Variants in FGF14 observed in about 807,000 individuals in gnomAD.
The protein encoded by FGF14 is fibroblast growth factor homologous factor 4.
FGF14 carries 5 observed loss-of-function variants against 25.5 expected under a neutral mutation model. The observed-to-expected ratio is 0.20, with a 90% CI of 0.10 to 0.41. FGF14 has a LOEUF of 0.41. Among genes scored for constraint, FGF14 ranks in the 10% least tolerant of loss-of-function variants. FGF14 has a pLI of 1.00. For synonymous variants in FGF14, 138 were observed against 118.3 expected, an observed-to-expected ratio of 1.17 and a Z score of -1.08; for missense variants, 222 against 320.1, an observed-to-expected ratio of 0.69 and a Z score of 2.34.
chr13:101,723,915 A>G (rs1276146895), intron 4 of FGF14, among the ~76,000 whole-genome samples: 1 of 152,076 alleles, frequency 6.6e-6, no homozygotes, highest in African/African-American at 2.4e-5. Context: ...AGTTTAAGGT[A>G]TTTTACGAAG....
At chr13:101,953,052 T>C (rs1023360878) in intron 1 of FGF14, among the ~76,000 whole-genome samples, 6 of 130,606 alleles carry the variant, frequency 4.6e-5, no homozygotes, top group African/African-American at 1.9e-4. Flanking sequence ...ATAAATAAAC[T>C]GTCTTGGAAA....
intron 1 of FGF14, among the ~76,000 whole-genome samples, chr13:102,111,447 G>C (rs1272000848): frequency 6.6e-6 from 1 of 152,174 alleles, no homozygotes; most frequent in African/African-American, 2.4e-5. Flanking sequence ...AGGCATGGTG[G>C]CTCATGCCTG....
At chr13:101,784,168 T>C (rs960395432) in intron 3 of FGF14, among the ~76,000 whole-genome samples, 2 of 152,184 alleles carry the variant, frequency 1.3e-5, no homozygotes, top group African/African-American at 4.8e-5. Flanking sequence ...GCCAAATTGA[T>C]ATTCCTTAAA....
chr13:102,356,928 CAT>C (rs3066054), intron 1 of FGF14, among the ~76,000 whole-genome samples: 6,648 of 141,688 alleles, frequency 0.047, 165 homozygotes, highest in African/African-American at 0.069. Context: ...CTATAAAATG[CAT>C]ATATATATAT....
chr13:101,993,744 G>T (rs75964408), intron 1 of FGF14, among the ~76,000 whole-genome samples: 1 of 151,944 alleles, frequency 6.6e-6, no homozygotes, highest in East Asian at 1.9e-4. Flanking sequence ...GGATTATATA[G>T]GATGCTCAAT....
At chr13:101,861,712 C>T (rs1283145627) in intron 3 of FGF14, among the ~76,000 whole-genome samples, 2 of 151,966 alleles carry the variant, frequency 1.3e-5, no homozygotes, top group Non-Finnish European at 2.9e-5. Context: ...AACCCCTGCC[C>T]CCACAGCACA....
rs1466428866 is a variant in FGF14 at position 102,270,220 on chromosome 13, A to T, written c.208+131251T>A. Among the ~76,000 whole-genome samples, 4 of 152,092 alleles carry T rather than the reference A, an allele frequency of 2.6e-5. No homozygotes were observed. In the East Asian group the frequency reaches 7.7e-4, roughly 29 times the overall value. On this transcript the variant is annotated intron_variant, in intron 1 of 4. Coordinates refer to the FGF14 transcript ENST00000376131. ...TTCCTTCACTTAGAAACATCCATAT[A>T]GTAAATGTCTTTCATCTCTCTCTCT...
intron 3 of FGF14, among the ~76,000 whole-genome samples, chr13:101,825,367 A>C (rs1269358499): frequency 6.6e-6 from 1 of 152,238 alleles, no homozygotes; most frequent in African/African-American, 2.4e-5. Context: ...TACTAAGAGA[A>C]GAAATGGTTT....
rs900122836 is a variant in FGF14 at position 102,212,964 on chromosome 13, G to A, written c.208+188507C>T. Among the ~76,000 whole-genome samples the A allele has an allele frequency of 3.9e-5, 6 of 152,322 alleles. No homozygotes were observed. The South Asian group carries it at 8.3e-4, about 21-fold the overall frequency. On this transcript the variant is annotated intron_variant, in intron 1 of 4. Transcript: ENST00000376131. ...AAAACACTTAGCTTTCTGCAAGAGG[G>A]ACAGAAAAGTAAGCTGAATGCTGCC...
Position 101,720,856 on chromosome 13 carries a change from TCTG to T in FGF14, c.*1972_*1974del, listed in dbSNP as rs1367395032. 6 of 152,180 alleles carry T rather than the reference TCTG, an allele frequency of 3.9e-5. No homozygotes were observed. The highest frequency in any genetic ancestry group is 1.2e-4 in the African/African-American group (5 of 41,450). The allele number at this position is 152,180 out of a possible 1,614,324, so 9.4% of individuals were successfully genotyped here. A position where few individuals can be genotyped will look rare whatever the true frequency, so the allele number is the denominator to read the frequency against. On this transcript the variant is annotated 3_prime_UTR_variant, in exon 5 of 5. Coordinates refer to ENST00000376143, the MANE Select transcript of FGF14 (RefSeq NM_004115.4). ...ATTGGCAATAAATCTACTCAAACGT[TCTG>T]CTAACTTTTTATTTATTCAAGTAGA...
In FGF14 at chr13:101,926,509, T is replaced by C. The variant is rs1335096960; in HGVS notation, c.209-51213A>G. 3.3e-5 allele frequency among the ~76,000 whole-genome samples: 5 copies of C among 152,230 alleles called. 1 individual carries two copies. The South Asian group carries it at 8.3e-4, about 25-fold the overall frequency. On this transcript the variant is annotated intron_variant, in intron 1 of 4. Coordinates refer to the FGF14 transcript ENST00000376131. ...TTATTGCATCGCTCAGAAAAAAACG[T>C]ACAGCAATTCTCAGTGATTGTGGAG...
intron 3 of FGF14, among the ~76,000 whole-genome samples, chr13:101,746,320 G>A (rs963061338): frequency 2.6e-5 from 4 of 151,854 alleles, no homozygotes; most frequent in African/African-American, 9.7e-5. Context: ...GATGTAAAAG[G>A]CATGTAGAGA....
At chr13:102,203,966 A>G (rs2049787588) in intron 1 of FGF14, among the ~76,000 whole-genome samples, 1 of 152,192 alleles carries the variant, frequency 6.6e-6, no homozygotes. Flanking sequence ...GTTTATGCTC[A>G]GTGGGAAAGA....
At chr13:101,912,243 A>G (rs2033019559) in intron 1 of FGF14, among the ~76,000 whole-genome samples, 1 of 152,148 alleles carries the variant, frequency 6.6e-6, no homozygotes, top group Admixed American at 6.5e-5. Context: ...TTCCTTATAC[A>G]TACTGTAATT....
At chr13:101,736,568 A>T (rs967314146) in intron 3 of FGF14, among the ~76,000 whole-genome samples, 1 of 152,186 alleles carries the variant, frequency 6.6e-6, no homozygotes, top group Non-Finnish European at 1.5e-5. Context: ...TAATAAAAGT[A>T]CTGTCCTTCA....
At chr13:102,006,826 G>C (rs1394690738) in intron 1 of FGF14, among the ~76,000 whole-genome samples, 1 of 130,710 alleles carries the variant, frequency 7.7e-6, no homozygotes, top group South Asian at 2.6e-4. Context: ...CTCACTGCAA[G>C]CTCCGCTTCC....
intron 1 of FGF14, among the ~76,000 whole-genome samples, chr13:102,386,875 T>C (rs1409987865): frequency 6.6e-6 from 1 of 152,242 alleles, no homozygotes; most frequent in African/African-American, 2.4e-5. Context: ...CAGCTGTCTA[T>C]TGCATTCGCA....
At chr13:101,798,377 C>A (rs2040679721) in intron 3 of FGF14, among the ~76,000 whole-genome samples, 1 of 152,108 alleles carries the variant, frequency 6.6e-6, no homozygotes, top group African/African-American at 2.4e-5. Flanking sequence ...GGGTCTTTAT[C>A]TCAGCCTCTG....
chr13:101,776,823 T>C (rs990606224), intron 3 of FGF14, among the ~76,000 whole-genome samples: 2 of 152,218 alleles, frequency 1.3e-5, no homozygotes, highest in African/African-American at 4.8e-5. Flanking sequence ...TTCTCACAGT[T>C]CTGGAGGCTG....
Sources: allele counts gnomAD v4.1 joint callset (sites outside exome capture counted in the v4.1 genomes callset), GRCh38; gene constraint gnomAD v4.1.1; transcripts MANE v1.5; gene names NCBI Gene and HGNC (gene_info 2026-07-23, HGNC 2026-07-21).